ZHX2: variants seen among roughly 807,000 people sequenced by gnomAD.
ZHX2 encodes the protein zinc fingers and homeoboxes protein 2.
Under a neutral mutation model 21.9 loss-of-function variants are expected in ZHX2, and 6 were observed. The observed-to-expected ratio is 0.27, with a 90% CI of 0.15 to 0.54. The LOEUF (loss-of-function observed/expected upper bound fraction) is 0.54, where lower values mean the gene tolerates loss of function less well. Among genes scored for constraint, ZHX2 ranks in the 20% least tolerant of loss-of-function variants. The pLI, the probability that ZHX2 is intolerant of heterozygous loss-of-function variation, is 0.95. For synonymous variants in ZHX2, 434 were observed against 437.1 expected, an observed-to-expected ratio of 0.99 and a Z score of 0.09; for missense variants, 908 against 1,090.7, an observed-to-expected ratio of 0.83 and a Z score of 2.36.
At chr8:122,893,218 C>T (rs1047686039) in intron 2 of ZHX2, among the ~76,000 whole-genome samples, 6 of 152,014 alleles carry the variant, frequency 3.9e-5, no homozygotes, top group Admixed American at 2.0e-4. Context: ...AATGCGAATT[C>T]TCTTATATGT....
At chr8:122,846,549 A>ATTTT (rs201581677) in intron 1 of ZHX2, among the ~76,000 whole-genome samples, 9 of 111,276 alleles carry the variant, frequency 8.1e-5, no homozygotes, top group African/African-American at 2.5e-4. Flanking sequence ...GACTTTGTGT[A>ATTTT]TTTTTTTTTT....
At chr8:122,847,721 G>T (rs1373039678) in intron 1 of ZHX2, among the ~76,000 whole-genome samples, 1 of 152,196 alleles carries the variant, frequency 6.6e-6, no homozygotes, top group African/African-American at 2.4e-5. Flanking sequence ...TGGCGCCAGG[G>T]CCCAGGGCAT....
At chr8:122,800,595 C>G (rs1458270469) in intron 1 of ZHX2, among the ~76,000 whole-genome samples, 1 of 152,204 alleles carries the variant, frequency 6.6e-6, no homozygotes, top group Non-Finnish European at 1.5e-5. Flanking sequence ...GATGCAAGCA[C>G]TTAGAGACTT....
rs1274661722 is a variant in ZHX2 at position 122,951,742 on chromosome 8, T to C, written c.232T>C (p.Tyr78His). ...ESQSKKLQGG[Y>H]ECKYCPYSTQ... ...CCAGTCCAAAAAACTCCAAGGTGGT[T>C]ATGAGTGCAAATACTGCCCCTACTC... The change falls in exon 3 of 4, where the codon TAT (tyrosine) becomes CAT (histidine). Residue 78 changes from tyrosine (Y) to histidine (H), a missense_variant. Physicochemically the swap from Tyr to His is moderately conservative, Grantham distance 83. Coordinates refer to ENST00000314393, the MANE Select transcript of ZHX2 (RefSeq NM_014943.5). The C allele has an allele frequency of 1.2e-6, 2 of 1,613,914 alleles. No individual in the cohort carries two copies. Among genetic ancestry groups the C allele is most frequent in the African/African-American group, 2.7e-5 (2 of 74,852 alleles).
rs1554589366 is a variant in ZHX2, at chr8:122,955,078, G to GGA, written c.*4+1051_*4+1052insAG. 2.6e-3 allele frequency among the ~76,000 whole-genome samples: 383 copies of GGA among 144,888 alleles called. 17 individuals are homozygous for GGA. The highest frequency in any genetic ancestry group is 9.2e-3 in the African/African-American group (355 of 38,736). On this transcript the variant is annotated intron_variant, in intron 3 of 3. Transcript: ENST00000314393. Reference sequence around the variant, plus strand: ...GTAGAGTCACATAAGCCGGGGGGGGGGGGGTGGCAGGGCGGTTTCCATGGT... The same window carrying GGA: ...GTAGAGTCACATAAGCCGGGGGGGGGGAGGGGTGGCAGGGCGGTTTCCATGGT...
chr8:122,910,160 A>G (rs1281686514), intron 2 of ZHX2, among the ~76,000 whole-genome samples: 1 of 151,998 alleles, frequency 6.6e-6, no homozygotes, highest in Non-Finnish European at 1.5e-5. Context: ...GAGCTGGACA[A>G]AAGACTAGAG....
intron 1 of ZHX2, among the ~76,000 whole-genome samples, chr8:122,862,227 T>C (rs1226964519): frequency 6.6e-6 from 1 of 152,200 alleles, no homozygotes. Context: ...AAGCCAGGTC[T>C]GACTGCACCT....
At chr8:122,967,302 C>G (rs1251396310) in intron 3 of ZHX2, among the ~76,000 whole-genome samples, 3 of 152,208 alleles carry the variant, frequency 2.0e-5, no homozygotes, top group African/African-American at 7.2e-5. Flanking sequence ...ATCTGGAACT[C>G]AAGGGCTGCT....
intron 2 of ZHX2, among the ~76,000 whole-genome samples, chr8:122,923,476 A>T (rs1420013311): frequency 6.6e-6 from 1 of 152,244 alleles, no homozygotes; most frequent in Non-Finnish European, 1.5e-5. Flanking sequence ...CAGAACTGTC[A>T]TAGATTCACT....
chr8:122,802,149 C>T (rs1454160011), intron 1 of ZHX2, among the ~76,000 whole-genome samples: 1 of 152,154 alleles, frequency 6.6e-6, no homozygotes, highest in Non-Finnish European at 1.5e-5. Flanking sequence ...CTACAGCCTC[C>T]ACCTCCCCGG....
intron 2 of ZHX2, among the ~76,000 whole-genome samples, chr8:122,888,490 G>GT (rs1819899396): frequency 6.6e-6 from 1 of 151,384 alleles, no homozygotes; most frequent in Non-Finnish European, 1.5e-5. Flanking sequence ...TTGTTTTTTT[G>GT]TTTTTTTGGC....
At chr8:122,965,283 T>TA (rs1396139854) in intron 3 of ZHX2, among the ~76,000 whole-genome samples, 1 of 152,170 alleles carries the variant, frequency 6.6e-6, no homozygotes, top group Non-Finnish European at 1.5e-5. Flanking sequence ...TGTAGACACT[T>TA]AATGCTATGA....
intron 1 of ZHX2, among the ~76,000 whole-genome samples, chr8:122,837,915 T>G (rs961124141): frequency 6.6e-6 from 1 of 152,228 alleles, no homozygotes; most frequent in African/African-American, 2.4e-5. Context: ...GACCCTTTCC[T>G]TCTCAGATTA....
intron 2 of ZHX2, among the ~76,000 whole-genome samples, chr8:122,947,092 C>CAA (rs57090731): frequency 9.5e-4 from 64 of 67,238 alleles, no homozygotes; most frequent in African/African-American, 2.0e-3. Context: ...CCTGTCTTTG[C>CAA]AAAAAAAAAA....
At chr8:122,805,675 G>A (rs964978872) in intron 1 of ZHX2, among the ~76,000 whole-genome samples, 3 of 152,212 alleles carry the variant, frequency 2.0e-5, no homozygotes, top group Admixed American at 1.3e-4. Context: ...GCTGGCTGTC[G>A]TGGGTAGATT....
chr8:122,848,101 A>G (rs1227938780), intron 1 of ZHX2, among the ~76,000 whole-genome samples: 1 of 152,180 alleles, frequency 6.6e-6, no homozygotes, highest in Non-Finnish European at 1.5e-5. Context: ...GCATGTTTAC[A>G]TTTTGCCCTC....
intron 2 of ZHX2, among the ~76,000 whole-genome samples, chr8:122,907,238 T>C (rs749185527): frequency 4.6e-5 from 7 of 152,146 alleles, no homozygotes; most frequent in Non-Finnish European, 1.0e-4. Context: ...CTAAGGTGGT[T>C]GGGGCACAGC....
chr8:122,956,249 G>A (rs1338540131), intron 3 of ZHX2, among the ~76,000 whole-genome samples: 1 of 152,170 alleles, frequency 6.6e-6, no homozygotes, highest in East Asian at 1.9e-4. Flanking sequence ...CCATTCAACA[G>A]TACCTTCTGA....
chr8:122,831,712 C>T (rs1042378384), intron 1 of ZHX2, among the ~76,000 whole-genome samples: 1 of 152,122 alleles, frequency 6.6e-6, no homozygotes, highest in Admixed American at 6.5e-5. Context: ...TTTGCGGGAG[C>T]CTGGCAGCTT....
Sources: allele counts gnomAD v4.1 joint callset (sites outside exome capture counted in the v4.1 genomes callset), GRCh38; gene constraint gnomAD v4.1.1; transcripts MANE v1.5; gene names NCBI Gene and HGNC (gene_info 2026-07-23, HGNC 2026-07-21).